CLNK: variants seen among roughly 807,000 people sequenced by gnomAD.
CLNK encodes cytokine-dependent hematopoietic cell linker.
In CLNK, 74 loss-of-function variants were observed where a neutral mutation model predicts 68.6. The ratio of observed to expected loss-of-function variants is 1.08; its 90% CI spans 0.89 to 1.31. The LOEUF (loss-of-function observed/expected upper bound fraction) is 1.31. Ranked by LOEUF, CLNK falls within the 50% of genes most tolerant of loss-of-function variation. The probability of loss-of-function intolerance (pLI) is 0.00; values close to 1 mark genes in which losing one functional copy is unlikely to be tolerated. For missense variants in CLNK, 553 were observed against 515.3 expected (o/e 1.07, Z -0.71); for synonymous variants, 198 against 172.2 (o/e 1.15, Z -1.17).
chr4:10,535,767 T>C (rs1306287959), intron 11 of CLNK, among the ~76,000 whole-genome samples: 4 of 152,248 alleles, frequency 2.6e-5, no homozygotes, highest in Admixed American at 2.6e-4. Flanking sequence ...AAGTTTTGTT[T>C]TGAAGCTATC....
the CLNK span, among the ~76,000 whole-genome samples, chr4:10,693,363 A>T: frequency 6.6e-6 from 1 of 152,164 alleles, no homozygotes; most frequent in East Asian, 1.9e-4. Context: ...AGCCAAGATA[A>T]CTCGCACCCT....
At chr4:10,524,883 C>T (rs186419078) in intron 14 of CLNK, among the ~76,000 whole-genome samples, 36 of 152,224 alleles carry the variant, frequency 2.4e-4, no homozygotes, top group Non-Finnish European at 4.6e-4. Context: ...ATTGTGGTTG[C>T]TGGCAGGCAT....
At chr4:10,574,884 C>T (rs1172163258) in intron 4 of CLNK, among the ~76,000 whole-genome samples, 1 of 152,130 alleles carries the variant, frequency 6.6e-6, no homozygotes. Context: ...CAGTCATGTA[C>T]CCCCTGCTTG....
chr4:10,622,217 C>A (rs1232674276), intron 2 of CLNK, among the ~76,000 whole-genome samples: 2 of 152,072 alleles, frequency 1.3e-5, no homozygotes, highest in Admixed American at 6.5e-5. Context: ...CAGCCTGGAA[C>A]CAGGAGTTAT....
intron 14 of CLNK, among the ~76,000 whole-genome samples, chr4:10,524,158 G>T (rs1022727825): frequency 4.6e-5 from 7 of 152,034 alleles, no homozygotes; most frequent in African/African-American, 1.7e-4. Flanking sequence ...TATTTAAGCT[G>T]TTTGGGACTT....
chr4:10,529,697 T>G (rs1053020054), intron 12 of CLNK, among the ~76,000 whole-genome samples: 15 of 152,212 alleles, frequency 9.9e-5, no homozygotes, highest in African/African-American at 3.4e-4. Flanking sequence ...TGAACCTGGC[T>G]GTTCAAAGTG....
At chr4:10,698,284 T>C in the CLNK span, among the ~76,000 whole-genome samples, 2 of 152,154 alleles carry the variant, frequency 1.3e-5, no homozygotes, top group Non-Finnish European at 2.9e-5. Flanking sequence ...ACATTATTCT[T>C]AATACATTTA....
intron 2 of CLNK, among the ~76,000 whole-genome samples, chr4:10,604,373 G>T (rs1245009300): frequency 6.6e-6 from 1 of 152,192 alleles, no homozygotes; most frequent in Non-Finnish European, 1.5e-5. Context: ...TCCCTAAGCT[G>T]TAAGGGTGCC....
intron 2 of CLNK, among the ~76,000 whole-genome samples, chr4:10,663,781 A>G (rs992785514): frequency 6.6e-6 from 1 of 152,234 alleles, no homozygotes; most frequent in East Asian, 1.9e-4. Context: ...GCTAATCACC[A>G]AGGTAAGGGT....
Position 10,486,412 on chromosome 4 carries a change from T to C in CLNK, c.*4055A>G, listed in dbSNP as rs1716354799. On this transcript the variant is annotated 3_prime_UTR_variant, in exon 19 of 19. Transcript: ENST00000226951. ...GAAAATTATAACATTCAATTACATA[T>C]TTACTTTTATTTACATTAGTAAGGC... is the stretch of plus-strand genomic sequence containing the variant. 6.6e-6 allele frequency: 1 copy of C among 152,188 alleles called. No homozygotes were observed. The allele number at this position is 152,188 out of a possible 1,614,324, so 9.4% of individuals were successfully genotyped here. A position where few individuals can be genotyped will look rare whatever the true frequency, so the allele number is the denominator to read the frequency against.
At chr4:10,639,514 G>C (rs1249780107) in intron 2 of CLNK, among the ~76,000 whole-genome samples, 1 of 152,176 alleles carries the variant, frequency 6.6e-6, no homozygotes, top group African/African-American at 2.4e-5. Context: ...CTGGGCCTCA[G>C]TTTCCTCATC....
chr4:10,720,812 A>G, the CLNK span, among the ~76,000 whole-genome samples: 1 of 151,354 alleles, frequency 6.6e-6, no homozygotes, highest in Non-Finnish European at 1.5e-5. Context: ...AAAAATAACA[A>G]CTAACAATTG....
At chr4:10,655,949 G>A (rs184883006) in intron 2 of CLNK, among the ~76,000 whole-genome samples, 35 of 152,054 alleles carry the variant, frequency 2.3e-4, no homozygotes, top group Non-Finnish European at 4.3e-4. Context: ...GCGCCCGGCC[G>A]ATAGCATTTT....
At chr4:10,621,931 G>C (rs886742052) in intron 2 of CLNK, among the ~76,000 whole-genome samples, 19 of 152,268 alleles carry the variant, frequency 1.2e-4, no homozygotes, top group African/African-American at 4.6e-4. Flanking sequence ...AGGTATTTCT[G>C]TGATTGCGAT....
intron 2 of CLNK, among the ~76,000 whole-genome samples, chr4:10,629,093 C>A (rs1460337642): frequency 6.6e-6 from 1 of 152,126 alleles, no homozygotes; most frequent in East Asian, 1.9e-4. Flanking sequence ...ATGACCAGCT[C>A]CCATGCCCCC....
At chr4:10,528,756 A>G (rs1171633292) in intron 12 of CLNK, among the ~76,000 whole-genome samples, 2 of 152,242 alleles carry the variant, frequency 1.3e-5, no homozygotes, top group Non-Finnish European at 2.9e-5. Context: ...TTGAAGTGAT[A>G]TGATAAACTA....
At chr4:10,684,164 A>T (rs535543388) in intron 1 of CLNK, among the ~76,000 whole-genome samples, 14 of 152,320 alleles carry the variant, frequency 9.2e-5, no homozygotes, top group Non-Finnish European at 1.3e-4. Context: ...GAGTGGAAGG[A>T]TGTCTGCGTG....
intron 4 of CLNK, among the ~76,000 whole-genome samples, chr4:10,573,039 G>C (rs1720411051): frequency 6.6e-6 from 1 of 152,122 alleles, no homozygotes; most frequent in Non-Finnish European, 1.5e-5. Context: ...ATGTTGGCCA[G>C]GCTATTCTCG....
chr4:10,649,997 A>G (rs368339074), intron 2 of CLNK, among the ~76,000 whole-genome samples: 13 of 152,340 alleles, frequency 8.5e-5, no homozygotes, highest in African/African-American at 2.4e-4. Flanking sequence ...TTACAGCCAT[A>G]TATCCATTAG....
Sources: allele counts gnomAD v4.1 joint callset (sites outside exome capture counted in the v4.1 genomes callset), GRCh38; gene constraint gnomAD v4.1.1; transcripts MANE v1.5; gene names NCBI Gene and HGNC (gene_info 2026-07-23, HGNC 2026-07-21).